Variants in PPIE observed in about 807,000 individuals in gnomAD.
PPIE encodes the protein peptidylprolyl isomerase E, also known as peptidyl-prolyl cis-trans isomerase E.
A neutral mutation model predicts 38.4 loss-of-function variants in PPIE; 20 were observed. That is an observed-to-expected ratio of 0.52 (90% confidence interval 0.37 to 0.76). The LOEUF (loss-of-function observed/expected upper bound fraction) is 0.76. Ranked by LOEUF, PPIE falls within the 30% of genes least tolerant of loss-of-function variation. The probability of loss-of-function intolerance (pLI) is 0.00; values close to 1 mark genes in which losing one functional copy is unlikely to be tolerated. For synonymous variants in PPIE, 142 were observed against 135.7 expected (o/e 1.05, Z -0.32); for missense variants, 322 against 385.8 (o/e 0.83, Z 1.39).
Position 39,753,551 on chromosome 1 carries a change from C to T in PPIE, c.*196C>T. 1 of 1,397,426 alleles carries T rather than the reference C, an allele frequency of 7.2e-7. No individual in the cohort carries two copies. The highest frequency in any genetic ancestry group is 9.2e-7 in the Non-Finnish European group (1 of 1,081,608). 86.6% of individuals were successfully genotyped at this position (1,397,426 alleles called of 1,614,324 possible). On this transcript the variant is annotated 3_prime_UTR_variant, in exon 10 of 10. Coordinates refer to ENST00000324379, the MANE Select transcript of PPIE (RefSeq NM_006112.4). ...GACTATTCCCAGGCACAGCTGTGGG[C>T]CCAGGAGCCAGCTCAGGTGCTCCCC... is the stretch of plus-strand genomic sequence containing the variant.
chr1:39,757,677 T>G (rs1323485120), downstream of PPIE: 3 of 152,238 alleles, frequency 2.0e-5, no homozygotes, highest in African/African-American at 7.2e-5. Flanking sequence ...AACCCTCATC[T>G]GGTGCAACGA....
At chr1:39,746,182 GC>G (rs1160448335) in intron 7 of PPIE, 1 of 151,960 alleles carries the variant, frequency 6.6e-6, no homozygotes, top group African/African-American at 2.4e-5. Flanking sequence ...CCCCTTCCCT[GC>G]CCCCTCATCT....
intron 9 of PPIE, chr1:39,762,432 C>T (rs572689985): frequency 2.6e-5 from 38 of 1,451,290 alleles, no homozygotes; most frequent in Middle Eastern, 1.8e-4. Flanking sequence ...AAGGAAGCCT[C>T]GGTGCCAGAA....
intron 8 of PPIE, among the ~76,000 whole-genome samples, chr1:39,752,611 C>G (rs1467282023): frequency 6.6e-6 from 1 of 152,226 alleles, no homozygotes; most frequent in African/African-American, 2.4e-5. Flanking sequence ...AGAGCTTGGA[C>G]TATGTTCTGC....
intron 1 of PPIE, among the ~76,000 whole-genome samples, chr1:39,739,814 C>T (rs1259173237): frequency 2.6e-5 from 4 of 152,244 alleles, no homozygotes; most frequent in Non-Finnish European, 5.9e-5. Flanking sequence ...GCACTTTATC[C>T]TGAGGACAGT....
chr1:39,763,569 C>G (rs1649338670), intron 9 of PPIE: 2 of 1,257,044 alleles, frequency 1.6e-6, no homozygotes, highest in African/African-American at 3.2e-5. Context: ...ACCATATTCT[C>G]ACTTTAGAAA....
chr1:39,752,895 T>G lies in PPIE; in HGVS notation c.695-15T>G. ...AGCCAGGGTTCGGGGAGCTGATGGT[T>G]GTTCTCTCCCTCAGGTCTACTATCC... On this transcript the variant is annotated splice_polypyrimidine_tract_variant and intron_variant, in intron 8 of 9. Transcript: ENST00000324379. 1.2e-6 allele frequency: 2 copies of G among 1,608,632 alleles called. No homozygotes were observed. Among genetic ancestry groups the G allele is most frequent in the Non-Finnish European group, 1.7e-6 (2 of 1,177,886 alleles).
chr1:39,748,610 C>T, intron 7 of PPIE: 1 of 365,816 alleles, frequency 2.7e-6, no homozygotes, highest in Non-Finnish European at 5.1e-6. Flanking sequence ...TGGTACATGC[C>T]TGTAGTCCCA....
chr1:39,745,335 C>T (rs1004937068), intron 6 of PPIE, 40 bp from the exon 7 acceptor site: 1 of 1,613,184 alleles, frequency 6.2e-7, no homozygotes. Flanking sequence ...CTTAGGGCGT[C>T]AGGGAGCTCT....
At chr1:39,740,328 A>G in intron 2 of PPIE, 65 bp downstream of exon 2, 1 of 1,321,322 alleles carries the variant, frequency 7.6e-7, no homozygotes, top group Non-Finnish European at 1.1e-6. Context: ...AATTAAAGTC[A>G]CATCACAATT....
At chr1:39,740,085 C>G (rs1647020271) in intron 1 of PPIE, 80 bp from the exon 2 acceptor site, 5 of 1,088,402 alleles carry the variant, frequency 4.6e-6, no homozygotes, top group Non-Finnish European at 5.6e-6. Context: ...TGTCCCCTGG[C>G]TAGCATGCTA....
At chr1:39,750,405 A>G (rs1387318134) in intron 8 of PPIE, among the ~76,000 whole-genome samples, 1 of 152,152 alleles carries the variant, frequency 6.6e-6, no homozygotes, top group East Asian at 1.9e-4. Flanking sequence ...TCCCAGGAGC[A>G]TTTCATACTA....
chr1:39,763,065 G>C, intron 9 of PPIE: 1 of 1,609,862 alleles, frequency 6.2e-7, no homozygotes. Flanking sequence ...ACCCCAGGGG[G>C]CTGGGCAGGA....
intron 3 of PPIE, chr1:39,741,611 T>C (rs938887925): frequency 1.6e-6 from 1 of 642,310 alleles, no homozygotes; most frequent in Non-Finnish European, 2.7e-6. Flanking sequence ...TGCCAGGCCC[T>C]CCCATTCTTG....
chr1:39,760,612 C>G, downstream of PPIE: 1 of 1,595,512 alleles, frequency 6.3e-7, no homozygotes, highest in Non-Finnish European at 8.5e-7. Flanking sequence ...GCCCAGTGGC[C>G]TCCTCCAAGG....
chr1:39,762,127 C>T (rs1402422503), intron 9 of PPIE, among the ~76,000 whole-genome samples: 4 of 152,232 alleles, frequency 2.6e-5, no homozygotes, highest in Non-Finnish European at 4.4e-5. Context: ...CCAGCAAACA[C>T]CATTTGACTG....
At chr1:39,738,972 G>T (rs758281966) in intron 1 of PPIE, 41 bp downstream of exon 1, 1 of 1,425,156 alleles carries the variant, frequency 7.0e-7, no homozygotes, top group Non-Finnish European at 9.2e-7. Context: ...GAGTGAACGC[G>T]ACCCCCAAGG....
rs755067981 is a variant in PPIE at position 39,763,723 on chromosome 1, G to A, written c.872G>A (p.Arg291Lys). Residue 291 changes from arginine to lysine, a missense_variant, in exon 10 of 10, where the codon AGG becomes AAG. By Grantham distance (26) the Arg-to-Lys change is conservative. Transcript: ENST00000356511. ...GAGTCAGCAATTACCAGCCAGCCGA[G>A]GTCCTGGAAGCTGACGTAGAGCTCG... 4.3e-5 allele frequency: 69 copies of A among 1,601,178 alleles called. No homozygotes were observed. In the South Asian group the frequency reaches 7.3e-4, roughly 17 times the overall value.
downstream of PPIE, chr1:39,757,286 G>A (rs1648384240): frequency 6.6e-6 from 1 of 152,200 alleles, no homozygotes; most frequent in African/African-American, 2.4e-5. Flanking sequence ...GCATTTATAT[G>A]TCAGACATCC....
Sources: allele counts gnomAD v4.1 joint callset (sites outside exome capture counted in the v4.1 genomes callset), GRCh38; gene constraint gnomAD v4.1.1; transcripts MANE v1.5; gene names NCBI Gene and HGNC (gene_info 2026-07-23, HGNC 2026-07-21).